Variants in LRP1B observed in about 807,000 individuals in gnomAD.
LRP1B encodes LDL receptor related protein 1B.
LRP1B carries 217 observed loss-of-function variants against 556.6 expected under a neutral mutation model. The observed-to-expected ratio is 0.39, with a 90% CI of 0.35 to 0.44. LRP1B has a LOEUF of 0.44. Among genes scored for constraint, LRP1B ranks in the 20% least tolerant of loss-of-function variants. The pLI is 1.00. For missense variants in LRP1B, 5,053 were observed against 5,620.8 expected (o/e 0.90, Z 3.23); for synonymous variants, 2,047 against 1,865.8 (o/e 1.10, Z -2.50).
chr2:141,810,125 GAA>G (rs1190639563), intron 2 of LRP1B, among the ~76,000 whole-genome samples, 152 bp downstream of exon 2: 3 of 104,182 alleles, frequency 2.9e-5, no homozygotes, highest in Admixed American at 8.7e-5. Context: ...AAGAAAGAAA[GAA>G]AGAAAGAAAG....
intron 43 of LRP1B, among the ~76,000 whole-genome samples, chr2:140,561,465 T>C (rs1337154170): frequency 6.6e-6 from 1 of 152,188 alleles, no homozygotes; most frequent in African/African-American, 2.4e-5. Flanking sequence ...TCTTTGGGTA[T>C]TCATTCTGAA....
At chr2:140,537,214 T>C (rs1381558201) in intron 45 of LRP1B, among the ~76,000 whole-genome samples, 1 of 143,614 alleles carries the variant, frequency 7.0e-6, no homozygotes, top group Admixed American at 7.0e-5. Flanking sequence ...TAATATAATA[T>C]ATAATAATAA....
At chr2:141,321,772 GT>G (rs774518598) in intron 3 of LRP1B, among the ~76,000 whole-genome samples, 3 of 152,034 alleles carry the variant, frequency 2.0e-5, no homozygotes, top group Non-Finnish European at 2.9e-5. Flanking sequence ...TAATATAAAA[GT>G]GAAATACAAA....
chr2:141,958,398 A>G (rs1045175262), intron 1 of LRP1B, among the ~76,000 whole-genome samples: 4 of 152,008 alleles, frequency 2.6e-5, no homozygotes, highest in Non-Finnish European at 5.9e-5. Flanking sequence ...CTTGTGGAGA[A>G]TCTAAAAGAC....
rs552213032 is a variant in LRP1B, at chr2:140,907,869, T to C, written c.3520+8A>G. 6.2e-7 allele frequency: 1 copy of C among 1,612,782 alleles called. No individual in the cohort carries two copies. Among genetic ancestry groups the C allele is most frequent in the East Asian group, 2.2e-5 (1 of 44,842 alleles). The stretch of plus-strand genomic sequence containing the variant: ...ATGGAGAAGTCAGTACAATTAAACA[T>C]GCAATACCACAGAGATAGCCTTCAT... On this transcript the variant is annotated splice_region_variant and intron_variant, in intron 22 of 90. Coordinates refer to ENST00000389484, the MANE Select transcript of LRP1B (RefSeq NM_018557.3).
intron 1 of LRP1B, among the ~76,000 whole-genome samples, chr2:141,930,385 A>G (rs1181180195): frequency 6.6e-6 from 1 of 152,064 alleles, no homozygotes; most frequent in Non-Finnish European, 1.5e-5. Context: ...TGCAGCACAG[A>G]ATACATCTAT....
chr2:141,678,093 T>C (rs79696302), intron 2 of LRP1B, among the ~76,000 whole-genome samples: 6,502 of 152,230 alleles, frequency 0.043, 182 homozygotes, highest in East Asian at 0.094. Flanking sequence ...CTTAGGCCCA[T>C]AAAGTTTGAG....
At chr2:141,181,560 CAA>C (rs926073435) in intron 7 of LRP1B, among the ~76,000 whole-genome samples, 1 of 151,420 alleles carries the variant, frequency 6.6e-6, no homozygotes, top group East Asian at 1.9e-4. Context: ...AAGAAAGAAA[CAA>C]AAAAATGGCA....
intron 18 of LRP1B, among the ~76,000 whole-genome samples, chr2:140,961,422 A>C (rs1573924955): frequency 1.4e-5 from 2 of 147,352 alleles, no homozygotes; most frequent in Non-Finnish European, 3.0e-5. Flanking sequence ...TTCTCCTACC[A>C]CAATGAAATA....
Position 140,378,278 on chromosome 2 carries a change from T to G in LRP1B, c.10540A>C (p.Thr3514Pro), listed in dbSNP as rs1683322452. ...CAGAGGAAATCTTTCAATGTACATG[T>G]CTGTGGCTCTGGGGATAAAAAAACA... is the stretch of plus-strand genomic sequence containing the variant. ...NSDEENCKPQ[T>P]CTLKDFLCAN... The change falls in exon 68 of 91, where the codon ACA becomes CCA. Residue 3514 changes from threonine (T) to proline (P), a missense_variant. This residue lies in a region of LRP1B where 262 missense variants were observed against 395.1 expected (regional missense o/e 0.66). Transcript: ENST00000389484. The G allele has an allele frequency of 4.4e-6, 7 of 1,597,974 alleles. No homozygotes were observed. The East Asian group carries it at 1.6e-4, about 36-fold the overall frequency.
intron 43 of LRP1B, 68 bp downstream of exon 43, chr2:140,598,563 G>A (rs1447191476): frequency 5.8e-6 from 7 of 1,196,818 alleles, no homozygotes; most frequent in African/African-American, 1.5e-5. Context: ...TTTTAGGAGA[G>A]TATAAATCAC....
intron 84 of LRP1B, among the ~76,000 whole-genome samples, chr2:140,297,552 A>G (rs1683659774): frequency 6.6e-6 from 1 of 152,098 alleles, no homozygotes; most frequent in Non-Finnish European, 1.5e-5. Flanking sequence ...AGGGGAAGAG[A>G]GAGGAAGGGA....
At chr2:140,886,726 A>C (rs1191046080) in intron 23 of LRP1B, among the ~76,000 whole-genome samples, 1 of 152,124 alleles carries the variant, frequency 6.6e-6, no homozygotes, top group African/African-American at 2.4e-5. Flanking sequence ...CTCTTAACTA[A>C]CTATCCCATA....
At chr2:140,713,066 T>C (rs1687090432) in intron 37 of LRP1B, among the ~76,000 whole-genome samples, 1 of 152,200 alleles carries the variant, frequency 6.6e-6, no homozygotes, top group Non-Finnish European at 1.5e-5. Flanking sequence ...TATCGCAGCT[T>C]ATTACAGAGC....
intron 3 of LRP1B, among the ~76,000 whole-genome samples, chr2:141,409,811 G>A (rs1690783818): frequency 6.6e-6 from 1 of 152,196 alleles, no homozygotes; most frequent in Admixed American, 6.5e-5. Flanking sequence ...GGGTGGCCAA[G>A]GATAGTGTAT....
At chr2:141,096,671 AG>A (rs1700326087) in intron 7 of LRP1B, among the ~76,000 whole-genome samples, 2 of 130,884 alleles carry the variant, frequency 1.5e-5, no homozygotes, top group African/African-American at 5.6e-5. Flanking sequence ...AGAGAGAGAG[AG>A]AGAGAGAGAG....
At chr2:140,499,431 C>A (rs1402266961) in intron 55 of LRP1B, among the ~76,000 whole-genome samples, 3 of 151,852 alleles carry the variant, frequency 2.0e-5, no homozygotes, top group Non-Finnish European at 4.4e-5. Context: ...CAAACACACA[C>A]ACACACATAT....
intron 62 of LRP1B, among the ~76,000 whole-genome samples, chr2:140,453,316 C>A (rs1242908106): frequency 2.6e-5 from 4 of 151,884 alleles, no homozygotes; most frequent in African/African-American, 7.2e-5. Context: ...ATATACTTAT[C>A]TTATTTTTCA....
intron 1 of LRP1B, among the ~76,000 whole-genome samples, chr2:141,978,157 T>G (rs1701937669): frequency 6.6e-6 from 1 of 152,108 alleles, no homozygotes; most frequent in African/African-American, 2.4e-5. Context: ...GTAATATGGA[T>G]AGTGAGTGAA....
Sources: gnomAD v4.1 joint callset for allele counts (sites outside exome capture counted in the v4.1 genomes callset) on GRCh38, gnomAD v4.1.1 for gene constraint, gnomAD v4.1.1 regional missense constraint, MANE v1.5 for transcripts, NCBI Gene and HGNC (gene_info 2026-07-23, HGNC 2026-07-21) for gene names.